AFDN: variants seen among roughly 807,000 people sequenced by gnomAD.
AFDN encodes afadin, adherens junction formation factor.
A neutral mutation model predicts 216.6 loss-of-function variants in AFDN; 68 were observed. The ratio of observed to expected loss-of-function variants is 0.31; its 90% CI spans 0.26 to 0.38. The LOEUF is 0.38. Among genes scored for constraint, AFDN ranks in the 10% least tolerant of loss-of-function variants. AFDN has a pLI of 1.00. For missense variants in AFDN, 2,136 were observed against 2,342.0 expected, an observed-to-expected ratio of 0.91 and a Z score of 1.82; for synonymous variants, 868 against 853.7, an observed-to-expected ratio of 1.02 and a Z score of -0.29.
chr6:167,868,012 C>G (rs372206775), intron 2 of AFDN, among the ~76,000 whole-genome samples: 1 of 152,188 alleles, frequency 6.6e-6, no homozygotes, highest in Non-Finnish European at 1.5e-5. Context: ...TGTGCCGTCA[C>G]CATGCTGTTA....
At chr6:167,968,980 A>G (rs1797817967) in intron 32 of AFDN, 134 bp from the exon 33 acceptor site, 1 of 683,668 alleles carries the variant, frequency 1.5e-6, no homozygotes, top group Non-Finnish European at 2.6e-6. Context: ...CTTTGATACA[A>G]TATGAGGGGT....
At chr6:167,897,023 C>T (rs771140763) in intron 10 of AFDN, 51 bp downstream of exon 10, 22 of 1,045,370 alleles carry the variant, frequency 2.1e-5, no homozygotes, top group South Asian at 3.8e-5. Flanking sequence ...GGAGGCATAA[C>T]GTATTGTACA....
At chr6:167,956,277 T>C (rs1796513166) in intron 30 of AFDN, among the ~76,000 whole-genome samples, 1 of 152,142 alleles carries the variant, frequency 6.6e-6, no homozygotes, top group Admixed American at 6.5e-5. Flanking sequence ...AGTATGGTTC[T>C]TAAGATATTT....
chr6:167,951,297 C>G lies in AFDN; in HGVS notation c.3943C>G (p.Gln1315Glu). Residue 1315 changes from glutamine to glutamate, a missense_variant, in exon 30 of 34, where the codon CAG becomes GAG. Gln to Glu is a conservative substitution (Grantham distance 29). Around this residue, in one of 8 missense-constraint regions of AFDN, gnomAD observed 981 missense variants for 966.0 expected, o/e 1.02. Transcript: ENST00000683244. The surrounding 1 kb of genome is among the most constrained non-coding windows in gnomAD (Gnocchi z 7.1). ...RKSDSDMWIN[Q>E]SSSLDSSTSS... ...GTCTGATAGTGATATGTGGATAAAT[C>G]AGAGCTCCTCACTGGACTCCAGTAC... The G allele has an allele frequency of 1.9e-6, 3 of 1,614,138 alleles. No individual in the cohort carries two copies. The highest frequency in any genetic ancestry group is 2.5e-6 in the Non-Finnish European group (3 of 1,180,028).
chr6:167,937,642 G>T, intron 23 of AFDN, among the ~76,000 whole-genome samples: 1 of 152,182 alleles, frequency 6.6e-6, no homozygotes, highest in East Asian at 1.9e-4. Flanking sequence ...TTATTACTTA[G>T]AATTCAGATA....
rs112991434 is a variant in AFDN at position 167,850,956 on chromosome 6, T to C, written c.106-13595T>C. ...GAGCCGATCTCGGCTCATTGCAACC[T>C]CTGCCTCCTGCAAGCGATTCTTCTG... is the stretch of plus-strand genomic sequence containing the variant. On this transcript the variant is annotated intron_variant, in intron 1 of 33. Coordinates refer to ENST00000683244, the MANE Select transcript of AFDN (RefSeq NM_001386888.1). 8.5e-4 allele frequency among the ~76,000 whole-genome samples: 129 copies of C among 152,272 alleles called. 1 individual carries two copies. The highest frequency in any genetic ancestry group is 1.5e-3 in the Non-Finnish European group (100 of 68,024).
At chr6:167,947,343 C>G (rs1423025023) in intron 27 of AFDN, among the ~76,000 whole-genome samples, 1 of 152,030 alleles carries the variant, frequency 6.6e-6, no homozygotes, top group Non-Finnish European at 1.5e-5. Flanking sequence ...CCACGCCCGG[C>G]TAATTTTTTG....
At chr6:167,938,533 G>T (rs540457396) in intron 23 of AFDN, among the ~76,000 whole-genome samples, 1 of 152,212 alleles carries the variant, frequency 6.6e-6, no homozygotes, top group Non-Finnish European at 1.5e-5. Flanking sequence ...AAGATAGGGA[G>T]TGCAGTCAAA....
At position 167,875,353 on chromosome 6, in the gene AFDN, T is replaced by G; in HGVS notation, c.597T>G (p.Ala199=). The change falls in exon 5 of 34, where the codon GCT becomes GCG. Residue 199 remains alanine (A), a synonymous_variant. Coordinates refer to ENST00000683244, the MANE Select transcript of AFDN (RefSeq NM_001386888.1). ...QGEDVENSRL[A]AEVYKDMPET... ...CTTACAGTGAAAATTCTCGACTGGC[T>G]GCTGAGGTTTACAAAGACATGCCGG... 1 of 1,611,966 alleles carries G rather than the reference T, an allele frequency of 6.2e-7. No individual in the cohort carries two copies. Among genetic ancestry groups the G allele is most frequent in the South Asian group, 1.1e-5 (1 of 90,364 alleles).
At chr6:167,929,838 C>T (rs1243800733) in intron 23 of AFDN, among the ~76,000 whole-genome samples, 1 of 152,146 alleles carries the variant, frequency 6.6e-6, no homozygotes, top group Non-Finnish European at 1.5e-5. Context: ...TTTCAAATAC[C>T]TTCCACAGTG....
At chr6:167,871,000 T>A (rs1376605633) in intron 3 of AFDN, among the ~76,000 whole-genome samples, 1 of 152,194 alleles carries the variant, frequency 6.6e-6, no homozygotes, top group East Asian at 1.9e-4. Flanking sequence ...TGCTGCTATG[T>A]TTATTTTGTG....
intron 5 of AFDN, among the ~76,000 whole-genome samples, chr6:167,876,770 ATT>A (rs540880247): frequency 6.8e-6 from 1 of 147,124 alleles, no homozygotes; most frequent in African/African-American, 2.5e-5. Context: ...TAACATTTAC[ATT>A]TTTTTTTTTT....
chr6:167,965,561 C>T (rs538684192), intron 31 of AFDN, among the ~76,000 whole-genome samples, 196 bp from the exon 32 acceptor site: 52 of 152,328 alleles, frequency 3.4e-4, no homozygotes, highest in Admixed American at 1.4e-3. Flanking sequence ...GTCAAATAAT[C>T]CAGGATAGTA....
chr6:167,951,634 A>G lies in AFDN; in HGVS notation c.4280A>G (p.Glu1427Gly). Residue 1427 changes from glutamate to glycine, a missense_variant, in exon 30 of 34, where the codon GAG (glutamate) becomes GGG (glycine). Glu to Gly is a moderately conservative substitution (Grantham distance 98). Coordinates refer to ENST00000683244, the MANE Select transcript of AFDN (RefSeq NM_001386888.1). This position sits in a 1 kb window ranked among gnomAD's most constrained non-coding sequence, Gnocchi z 7.1. ...RKREEHQRWY[E>G]KEKARLEEER... ...AGAGAAGAACATCAGCGTTGGTATG[A>G]GAAGGAGAAGGCCCGCCTGGAGGAG... The G allele has an allele frequency of 6.2e-7, 1 of 1,614,070 alleles. No individual in the cohort carries two copies. Among genetic ancestry groups the G allele is most frequent in the Non-Finnish European group, 8.5e-7 (1 of 1,179,986 alleles).
intron 15 of AFDN, chr6:167,912,199 C>A (rs1790487886): frequency 6.6e-6 from 1 of 152,174 alleles, no homozygotes; most frequent in Admixed American, 6.5e-5. Flanking sequence ...CTGTCCCGAT[C>A]TACAGTTGAT....
chr6:167,877,307 T>C (rs1349631721), intron 5 of AFDN, among the ~76,000 whole-genome samples: 1 of 152,112 alleles, frequency 6.6e-6, no homozygotes, highest in Non-Finnish European at 1.5e-5. Context: ...TGGTAGGATA[T>C]GGGATATATT....
In AFDN at chr6:167,969,921, C is replaced by G. The variant is rs765987505; in HGVS notation, c.5482C>G (p.Leu1828Val). 6.2e-7 allele frequency: 1 copy of G among 1,608,588 alleles called. No individual in the cohort carries two copies. The highest frequency in any genetic ancestry group is 1.1e-5 in the South Asian group (1 of 89,382). Residue 1828 changes from leucine to valine, a missense_variant, in exon 34 of 34, where the codon CTG (leucine) becomes GTG (valine). Coordinates refer to ENST00000683244, the MANE Select transcript of AFDN (RefSeq NM_001386888.1). ...SRKLTELENE[L>V]NTK ...TAAATTAACAGAACTGGAGAATGAA[C>G]TGAACACAAAGTGAAAGAAAATGAG...
chr6:167,965,642 C>T, intron 31 of AFDN, 115 bp from the exon 32 acceptor site: 1 of 958,512 alleles, frequency 1.0e-6, no homozygotes, highest in Non-Finnish European at 1.5e-6. Flanking sequence ...GTAATTGTAA[C>T]TATTAAACTT....
At chr6:167,882,342 A>T (rs1298970774) in intron 6 of AFDN, among the ~76,000 whole-genome samples, 1 of 152,176 alleles carries the variant, frequency 6.6e-6, no homozygotes, top group African/African-American at 2.4e-5. Context: ...TTAGATTATT[A>T]GTGTAGAATA....
Sources: gnomAD v4.1 joint callset for allele counts (sites outside exome capture counted in the v4.1 genomes callset) on GRCh38, gnomAD v4.1.1 for gene constraint, gnomAD v4.1.1 regional missense constraint, Gnocchi (gnomAD v3.1) non-coding constraint, MANE v1.5 for transcripts, NCBI Gene and HGNC (gene_info 2026-07-23, HGNC 2026-07-21) for gene names.